Variants in PRTG observed in about 807,000 individuals in gnomAD.
The protein encoded by PRTG is protogenin.
In PRTG, 67 loss-of-function variants were observed where a neutral mutation model predicts 122.5. The ratio of observed to expected loss-of-function variants is 0.55; its 90% CI spans 0.45 to 0.67. The LOEUF (loss-of-function observed/expected upper bound fraction) is 0.67, where lower values mean the gene tolerates loss of function less well. Among genes scored for constraint, PRTG ranks in the 30% least tolerant of loss-of-function variants. The probability of loss-of-function intolerance (pLI) is 0.00; values close to 1 mark genes in which losing one functional copy is unlikely to be tolerated. For missense variants in PRTG, 1,435 were observed against 1,415.4 expected (o/e 1.01, Z -0.22); for synonymous variants, 554 against 501.1 (o/e 1.11, Z -1.41).
intron 2 of PRTG, among the ~76,000 whole-genome samples, chr15:55,689,549 T>A (rs1202680010): frequency 6.6e-6 from 1 of 151,052 alleles, no homozygotes; most frequent in Non-Finnish European, 1.5e-5. Flanking sequence ...TATGAGTTGA[T>A]GGGTGCAGCA....
intron 18 of PRTG, among the ~76,000 whole-genome samples, chr15:55,622,637 C>T (rs1327681329): frequency 2.6e-5 from 4 of 151,832 alleles, no homozygotes; most frequent in South Asian, 2.1e-4. Context: ...GTGATCCGCC[C>T]GCCTTGGTCT....
In PRTG at chr15:55,628,986, A is replaced by G. The variant is rs1567074504; in HGVS notation, c.2642T>C (p.Leu881Ser). ...LHREGAITMA[L>S]LENLVAGNVY... ...ATTTCCTGCTACCAAGTTTTCTAGC[A>G]AAGCCATGGTTATTGCCCCTAGAAA... Residue 881 changes from leucine (L) to serine (S), a missense_variant, in exon 16 of 20, where the codon TTG becomes TCG. Physicochemically the swap from Leu to Ser is moderately radical, Grantham distance 145. Coordinates refer to ENST00000389286, the MANE Select transcript of PRTG (RefSeq NM_173814.6). The G allele has an allele frequency of 6.2e-7, 1 of 1,611,656 alleles. No homozygotes were observed. Among genetic ancestry groups the G allele is most frequent in the Non-Finnish European group, 8.5e-7 (1 of 1,178,324 alleles).
chr15:55,645,413 G>A (rs1489034091), intron 11 of PRTG, among the ~76,000 whole-genome samples: 2 of 43,090 alleles, frequency 4.6e-5, no homozygotes, highest in Admixed American at 3.9e-4. Flanking sequence ...CAGCCTGGGC[G>A]ACAGAGCGAA....
chr15:55,665,245 G>A (rs900546670), intron 11 of PRTG, among the ~76,000 whole-genome samples: 1 of 151,992 alleles, frequency 6.6e-6, no homozygotes, highest in Admixed American at 6.5e-5. Flanking sequence ...GGGTGACAGA[G>A]CGAGACTCTG....
rs1234615527 is a variant in PRTG at position 55,620,357 on chromosome 15, C to A, written c.3199-91G>T. 6.5e-6 allele frequency: 10 copies of A among 1,544,482 alleles called. No individual in the cohort carries two copies. In the Admixed American group the frequency reaches 2.0e-4, roughly 31 times the overall value. ...TCAGGTCCCCACAGACAGGTGGGAGCACATCAGAATTACCCGTGGCAAGCG... is the reference window on the plus strand; with the variant it reads ...TCAGGTCCCCACAGACAGGTGGGAGAACATCAGAATTACCCGTGGCAAGCG... On this transcript the variant is annotated intron_variant, in intron 19 of 19. Coordinates refer to ENST00000389286, the MANE Select transcript of PRTG (RefSeq NM_173814.6).
chr15:55,638,091 T>A (rs1595610073), intron 14 of PRTG, among the ~76,000 whole-genome samples: 1 of 152,202 alleles, frequency 6.6e-6, no homozygotes, highest in Non-Finnish European at 1.5e-5. Flanking sequence ...TCTAGAGACA[T>A]AAAATATCTT....
intron 2 of PRTG, among the ~76,000 whole-genome samples, chr15:55,710,968 A>G (rs1214216514): frequency 1.3e-5 from 2 of 151,848 alleles, no homozygotes; most frequent in African/African-American, 2.4e-5. Flanking sequence ...GTACAATGGC[A>G]TGATCTCAGC....
At chr15:55,646,001 ATTAT>A (rs2059320498) in intron 11 of PRTG, among the ~76,000 whole-genome samples, 1 of 151,734 alleles carries the variant, frequency 6.6e-6, no homozygotes, top group African/African-American at 2.4e-5. Context: ...TCCTCAATTT[ATTAT>A]TTATTATTTT....
intron 13 of PRTG, 145 bp from the exon 14 acceptor site, chr15:55,638,821 C>T (rs778836926): frequency 5.5e-5 from 37 of 675,746 alleles, no homozygotes; most frequent in Non-Finnish European, 7.6e-5. Context: ...GACTAAAGAA[C>T]AATTTAATTG....
At chr15:55,742,689 G>C (rs2031651698) in intron 1 of PRTG, 149 bp downstream of exon 1, 2 of 941,002 alleles carry the variant, frequency 2.1e-6, no homozygotes, top group East Asian at 3.0e-5. Flanking sequence ...CGGACAGGCC[G>C]CAGGGCGAGA....
intron 2 of PRTG, among the ~76,000 whole-genome samples, chr15:55,732,737 G>A (rs1463871587): frequency 2.6e-5 from 4 of 152,034 alleles, no homozygotes; most frequent in East Asian, 2.0e-4. Flanking sequence ...CAGGTGATCC[G>A]CCGGCCCTGG....
chr15:55,702,522 T>A (rs992742614), intron 2 of PRTG, among the ~76,000 whole-genome samples: 6 of 152,218 alleles, frequency 3.9e-5, no homozygotes, highest in Non-Finnish European at 5.9e-5. Flanking sequence ...GCATATAGTA[T>A]AATGTGTACA....
rs200918046 is a variant in PRTG at position 55,641,116 on chromosome 15, C to T, written c.2134G>A (p.Val712Met). ...AACTGCCATGGCTTTCACTTACACA[C>T]GCATCCTGGAGTGCTGACAGTCTGA... ...ADQTVSTPGC[V>M]SVRDRMVPPP... is the part of the protein sequence containing the mutation. The change falls in exon 12 of 20, where the codon GTG (valine) becomes ATG (methionine). Residue 712 changes from valine (V) to methionine (M), a missense_variant. Val to Met is a conservative substitution (Grantham distance 21, BLOSUM62 1). Coordinates refer to ENST00000389286, the MANE Select transcript of PRTG (RefSeq NM_173814.6). The T allele has an allele frequency of 5.8e-5, 93 of 1,609,854 alleles. No individual in the cohort carries two copies. Among genetic ancestry groups the T allele is most frequent in the Admixed American group, 4.3e-4 (26 of 60,014 alleles).
At chr15:55,738,443 C>A in intron 2 of PRTG, 1 of 700,518 alleles carries the variant, frequency 1.4e-6, no homozygotes, top group Non-Finnish European at 2.6e-6. Flanking sequence ...GTGGTCATGA[C>A]AAATGCTTCA....
intron 11 of PRTG, among the ~76,000 whole-genome samples, chr15:55,653,753 T>C (rs1301859582): frequency 6.6e-6 from 1 of 152,230 alleles, no homozygotes; most frequent in Admixed American, 6.5e-5. Flanking sequence ...CGTCAGCCAC[T>C]GCGCCCGGCC....
Position 55,673,564 on chromosome 15 carries a change from G to A in PRTG, c.1659C>T (p.Arg553=), listed in dbSNP as rs766437421. ...TCTCAGTACTTAGGCGGAAAGACAA[G>A]CGATACAGCACCACTTGGCCCCGCC... ...KYRRGQVVLY[R]LSFRLSTENS... is the part of the protein sequence containing the mutation. Residue 553 remains arginine (R), a synonymous_variant, in exon 10 of 20, where the codon CGC becomes CGT. Coordinates refer to ENST00000389286, the MANE Select transcript of PRTG (RefSeq NM_173814.6). The A allele has an allele frequency of 8.1e-6, 13 of 1,614,072 alleles. No individual in the cohort carries two copies. The highest frequency in any genetic ancestry group is 1.3e-5 in the African/African-American group (1 of 74,928).
At chr15:55,638,865 G>A (rs2059273068) in intron 13 of PRTG, among the ~76,000 whole-genome samples, 189 bp from the exon 14 acceptor site, 1 of 152,148 alleles carries the variant, frequency 6.6e-6, no homozygotes, top group Non-Finnish European at 1.5e-5. Flanking sequence ...GTATTGTCCT[G>A]TAGAAATAAG....
chr15:55,661,664 T>TAGGTA (rs2059410353), intron 11 of PRTG, among the ~76,000 whole-genome samples: 5 of 152,260 alleles, frequency 3.3e-5, no homozygotes, highest in Non-Finnish European at 5.9e-5. Flanking sequence ...AAGTTACTCT[T>TAGGTA]CTCCACATGA....
At chr15:55,715,537 C>T (rs1054420414) in intron 2 of PRTG, among the ~76,000 whole-genome samples, 4 of 152,162 alleles carry the variant, frequency 2.6e-5, no homozygotes, top group Non-Finnish European at 5.9e-5. Flanking sequence ...CAACTCCAAG[C>T]CCTAACGGAT....
Sources: allele counts gnomAD v4.1 joint callset (sites outside exome capture counted in the v4.1 genomes callset), GRCh38; gene constraint gnomAD v4.1.1; transcripts MANE v1.5; gene names NCBI Gene and HGNC (gene_info 2026-07-23, HGNC 2026-07-21).